Variants in TAF3 observed in about 807,000 individuals in gnomAD.
The protein encoded by TAF3 is TATA-box binding protein associated factor 3.
Under a neutral mutation model 80.6 loss-of-function variants are expected in TAF3, and 7 were observed. That is an observed-to-expected ratio of 0.09 (90% CI 0.05 to 0.16). The LOEUF (loss-of-function observed/expected upper bound fraction) is 0.16, where lower values mean the gene tolerates loss of function less well. TAF3 is among the 10% of genes least tolerant of loss of function. The pLI is 1.00. For synonymous variants in TAF3, 444 were observed against 446.1 expected, an observed-to-expected ratio of 1.00 and a Z score of 0.06; for missense variants, 921 against 1,140.2, an observed-to-expected ratio of 0.81 and a Z score of 2.77.
chr10:7,884,339 G>A (rs900009490), intron 2 of TAF3, among the ~76,000 whole-genome samples: 2 of 149,102 alleles, frequency 1.3e-5, no homozygotes, highest in African/African-American at 4.9e-5. Flanking sequence ...GGCTCTTCTT[G>A]TACTTCCAGC....
Position 8,015,518 on chromosome 10 carries a change from T to C in TAF3, c.*767T>C, listed in dbSNP as rs1351471509. ...CTTCAGACTAAAAGATTGCCCCTAA[T>C]GTAAATAATAAATATTTATGAAGTA... On this transcript the variant is annotated 3_prime_UTR_variant, in exon 7 of 7. Transcript: ENST00000344293. 1 of 152,212 alleles carries C rather than the reference T, an allele frequency of 6.6e-6. No homozygotes were observed. The highest frequency in any genetic ancestry group is 1.5e-5 in the Non-Finnish European group (1 of 68,040). 9.4% of individuals were successfully genotyped at this position (152,212 alleles called of 1,614,324 possible).
At chr10:7,910,581 A>G (rs2131179092) in intron 2 of TAF3, among the ~76,000 whole-genome samples, 1 of 152,244 alleles carries the variant, frequency 6.6e-6, no homozygotes, top group African/African-American at 2.4e-5. Flanking sequence ...GGGTTTCACC[A>G]TGTTGGCCAG....
chr10:7,893,522 C>T (rs549746680), intron 2 of TAF3, among the ~76,000 whole-genome samples: 3 of 152,290 alleles, frequency 2.0e-5, no homozygotes, highest in South Asian at 4.2e-4. Context: ...TTCATATCCT[C>T]AGGTATTTTT....
intron 3 of TAF3, among the ~76,000 whole-genome samples, chr10:7,969,294 TAA>T (rs961334331): frequency 6.7e-6 from 1 of 148,630 alleles, no homozygotes; most frequent in Admixed American, 6.7e-5. Flanking sequence ...GACCCTGTCT[TAA>T]AAAAAAAAGA....
intron 4 of TAF3, among the ~76,000 whole-genome samples, chr10:7,997,228 A>AT: frequency 6.6e-6 from 1 of 152,336 alleles, no homozygotes; most frequent in Admixed American, 6.5e-5. Context: ...TTTTGTTACC[A>AT]TTTAATAATG....
At chr10:7,870,116 T>C (rs1223734543) in intron 2 of TAF3, among the ~76,000 whole-genome samples, 1 of 152,236 alleles carries the variant, frequency 6.6e-6, no homozygotes, top group Non-Finnish European at 1.5e-5. Flanking sequence ...CAAAACTTGC[T>C]TTAAGGACTC....
intron 2 of TAF3, among the ~76,000 whole-genome samples, chr10:7,860,283 A>C (rs972100902): frequency 6.6e-6 from 1 of 151,844 alleles, no homozygotes; most frequent in Non-Finnish European, 1.5e-5. Context: ...CTGGAAAAAA[A>C]AAAGAAGAAA....
intron 2 of TAF3, among the ~76,000 whole-genome samples, chr10:7,932,913 CG>C (rs1837882148): frequency 1.3e-5 from 2 of 151,968 alleles, no homozygotes; most frequent in East Asian, 3.9e-4. Flanking sequence ...CTCCTGGGCT[CG>C]AGTGATCCTC....
chr10:7,875,559 G>A lies in TAF3; in HGVS notation c.409+50999G>A, dbSNP rs1399597852. 3.9e-5 allele frequency among the ~76,000 whole-genome samples: 6 copies of A among 152,316 alleles called. No individual in the cohort carries two copies. The South Asian group carries it at 8.3e-4, about 21-fold the overall frequency. Reference sequence around the variant, plus strand: ...TTCCAGAGCCAGCGGGCACGAAGGGGTTGTTGGCCTCCAGTTGAAAAGTAG... The same window carrying A: ...TTCCAGAGCCAGCGGGCACGAAGGGATTGTTGGCCTCCAGTTGAAAAGTAG... On this transcript the variant is annotated intron_variant, in intron 2 of 6. Transcript: ENST00000344293.
intron 2 of TAF3, among the ~76,000 whole-genome samples, chr10:7,920,300 G>A (rs1311966273): frequency 1.1e-4 from 6 of 54,978 alleles, no homozygotes; most frequent in Non-Finnish European, 1.8e-4. Context: ...TTAAACATAC[G>A]TGTGTGTGTG....
chr10:7,892,501 G>A (rs755654436), intron 2 of TAF3, among the ~76,000 whole-genome samples: 24 of 152,162 alleles, frequency 1.6e-4, no homozygotes, highest in Non-Finnish European at 2.8e-4. Context: ...GTTACAATAA[G>A]ATGTGATGAT....
intron 2 of TAF3, among the ~76,000 whole-genome samples, chr10:7,954,521 A>G (rs1838116047): frequency 7.2e-6 from 1 of 139,492 alleles, no homozygotes; most frequent in Non-Finnish European, 1.6e-5. Context: ...AGTGCACTCC[A>G]TAGGCGAATG....
chr10:7,826,552 T>C (rs189434570), intron 2 of TAF3, among the ~76,000 whole-genome samples: 62 of 152,330 alleles, frequency 4.1e-4, no homozygotes, highest in African/African-American at 1.4e-3. Context: ...AAAAAGAAAC[T>C]CATTTAGTTT....
At chr10:7,864,756 T>C (rs1837192785) in intron 2 of TAF3, among the ~76,000 whole-genome samples, 1 of 152,218 alleles carries the variant, frequency 6.6e-6, no homozygotes, top group Non-Finnish European at 1.5e-5. Flanking sequence ...TGTGGTTTGC[T>C]TTTTCATTTT....
At chr10:7,924,122 T>C (rs956214212) in intron 2 of TAF3, among the ~76,000 whole-genome samples, 4 of 152,218 alleles carry the variant, frequency 2.6e-5, no homozygotes, top group African/African-American at 9.6e-5. Flanking sequence ...TTGACACGAT[T>C]ACGTTTGAAT....
chr10:7,835,038 T>G lies in TAF3; in HGVS notation c.409+10478T>G, dbSNP rs148535283. On this transcript the variant is annotated intron_variant, in intron 2 of 6. Transcript: ENST00000344293. ...GTGTTTCTCTCGTACTTTCATTGTC[T>G]GGAGGGATGTTTTGCTATTTAGTCT... Among the ~76,000 whole-genome samples, 818 of 152,338 alleles carry G rather than the reference T, an allele frequency of 5.4e-3. 6 individuals carry two copies. The highest frequency in any genetic ancestry group is 0.019 in the African/African-American group (790 of 41,560).
intron 2 of TAF3, among the ~76,000 whole-genome samples, chr10:7,959,002 T>C (rs1838163632): frequency 6.6e-6 from 1 of 151,842 alleles, no homozygotes; most frequent in Non-Finnish European, 1.5e-5. Context: ...TAGCCGGGCG[T>C]GGTGACGGGC....
intron 1 of TAF3, among the ~76,000 whole-genome samples, chr10:7,823,206 A>G (rs145874212): frequency 1.5e-3 from 224 of 152,314 alleles, no homozygotes; most frequent in Non-Finnish European, 2.5e-3. Flanking sequence ...AATTCATTCA[A>G]TAGGTATTTA....
At chr10:7,900,396 G>C (rs938627983) in intron 2 of TAF3, among the ~76,000 whole-genome samples, 10 of 152,202 alleles carry the variant, frequency 6.6e-5, no homozygotes, top group African/African-American at 2.4e-4. Context: ...GTTTGGAATT[G>C]TTTTGGTAGC....
Sources: allele counts gnomAD v4.1 joint callset (sites outside exome capture counted in the v4.1 genomes callset), GRCh38; gene constraint gnomAD v4.1.1; transcripts MANE v1.5; gene names NCBI Gene and HGNC (gene_info 2026-07-23, HGNC 2026-07-21).